Variants in FBN2 observed in about 807,000 individuals in gnomAD.
FBN2 encodes fibrillin-2.
Under a neutral mutation model 355.6 loss-of-function variants are expected in FBN2, and 105 were observed. The observed-to-expected ratio is 0.30, with a 90% CI of 0.25 to 0.35. The LOEUF is 0.35. Among genes scored for constraint, FBN2 ranks in the 10% least tolerant of loss-of-function variants. FBN2 has a pLI of 1.00. For missense variants in FBN2, 3,280 were observed against 3,758.7 expected (o/e 0.87, Z 3.33); for synonymous variants, 1,350 against 1,301.2 (o/e 1.04, Z -0.81).
rs1345155944 is a variant in FBN2, at chr5:128,464,783, G to A, written c.767C>T (p.Ala256Val). Reference sequence around the variant, plus strand: ...ACCCCGTCGGCAGGGCTGAGGCTGGGCTGGACACATCTCACAGGGATGGCC... The same window carrying A: ...ACCCCGTCGGCAGGGCTGAGGCTGGACTGGACACATCTCACAGGGATGGCC... ...AWGHPCEMCP[A>V]QPQPCRRGFI... The change falls in exon 6 of 65, where the codon GCC (alanine) becomes GTC (valine). Residue 256 changes from alanine to valine, a missense_variant. Physicochemically the swap from Ala to Val is moderately conservative, Grantham distance 64 (BLOSUM62 0). Coordinates refer to ENST00000262464, the MANE Select transcript of FBN2 (RefSeq NM_001999.4). 2 of 1,614,080 alleles carry A rather than the reference G, an allele frequency of 1.2e-6. No individual in the cohort carries two copies. Among genetic ancestry groups the A allele is most frequent in the Admixed American group, 3.3e-5 (2 of 60,010 alleles).
intron 62 of FBN2, among the ~76,000 whole-genome samples, chr5:128,268,217 A>C (rs938228230): frequency 2.0e-5 from 3 of 152,242 alleles, no homozygotes; most frequent in African/African-American, 7.2e-5. Context: ...ACAGAAATAC[A>C]AACTACCATC....
At chr5:128,400,369 A>G (rs1002601684) in intron 8 of FBN2, among the ~76,000 whole-genome samples, 22 of 152,180 alleles carry the variant, frequency 1.4e-4, no homozygotes, top group African/African-American at 5.3e-4. Context: ...ATAAGATCAA[A>G]CTATATAAAA....
chr5:128,358,245 A>G (rs1751553796), intron 19 of FBN2, among the ~76,000 whole-genome samples: 1 of 152,120 alleles, frequency 6.6e-6, no homozygotes, highest in Admixed American at 6.6e-5. Flanking sequence ...AAAAAAATCA[A>G]AGACATTTTC....
At chr5:128,278,882 A>G in intron 56 of FBN2, 41 bp from the exon 57 acceptor site, 1 of 1,495,460 alleles carries the variant, frequency 6.7e-7, no homozygotes, top group Admixed American at 1.7e-5. Flanking sequence ...TGCGGAACTG[A>G]CATTTCATTA....
chr5:128,260,252 C>T lies in FBN2; in HGVS notation c.8365-423G>A, dbSNP rs575521375. Among the ~76,000 whole-genome samples the T allele has an allele frequency of 1.4e-4, 21 of 151,846 alleles. No individual in the cohort carries two copies. In the South Asian group the frequency reaches 4.2e-3, roughly 30 times the overall value. ...TGCTGTTGGGCATCAGCAGGGAATG[C>T]GCCCAGGGGAATCTTCTGTCTGAAA... On this transcript the variant is annotated intron_variant, in intron 64 of 64. Transcript: ENST00000262464.
At chr5:128,286,685 T>A in intron 55 of FBN2, 33 bp downstream of exon 55, 1 of 1,613,196 alleles carries the variant, frequency 6.2e-7, no homozygotes, top group Non-Finnish European at 8.5e-7. Flanking sequence ...AGTGGAGGCA[T>A]TACATAAGCA....
intron 5 of FBN2, among the ~76,000 whole-genome samples, chr5:128,474,383 G>C (rs1040477733): frequency 8.5e-5 from 13 of 152,138 alleles, no homozygotes; most frequent in African/African-American, 2.7e-4. Flanking sequence ...ACATTTTATA[G>C]TATCTTAGGA....
chr5:128,276,482 C>T (rs1295845527), intron 58 of FBN2, among the ~76,000 whole-genome samples: 1 of 151,966 alleles, frequency 6.6e-6, no homozygotes, highest in African/African-American at 2.4e-5. Flanking sequence ...TGTTTTTGAC[C>T]CATGGATGTG....
At chr5:128,447,180 C>T (rs980280046) in intron 6 of FBN2, among the ~76,000 whole-genome samples, 5 of 152,116 alleles carry the variant, frequency 3.3e-5, no homozygotes, top group Admixed American at 1.3e-4. Context: ...GATATGAAAT[C>T]TAGGCACCTT....
Position 128,380,436 on chromosome 5 carries a change from TC to T in FBN2, c.1604-1547del, listed in dbSNP as rs1272472676. Among the ~76,000 whole-genome samples, 3 of 152,084 alleles carry T rather than the reference TC, an allele frequency of 2.0e-5. No homozygotes were observed. The East Asian group carries it at 5.8e-4, about 29-fold the overall frequency. Reference sequence around the variant, plus strand: ...CACTCCCCTCTCTTTAGGTAAAGTTTCAGGAAAGCCACTTCTGCAGGACTGT... The same window carrying T: ...CACTCCCCTCTCTTTAGGTAAAGTTTAGGAAAGCCACTTCTGCAGGACTGT... On this transcript the variant is annotated intron_variant, in intron 11 of 64. Transcript: ENST00000262464.
At chr5:128,526,325 TGG>T (rs905612466) in intron 4 of FBN2, among the ~76,000 whole-genome samples, 4 of 152,122 alleles carry the variant, frequency 2.6e-5, no homozygotes, top group African/African-American at 9.7e-5. Context: ...GCAGCTTCTG[TGG>T]AAAACAGTAT....
chr5:128,288,332 G>A lies in FBN2; in HGVS notation c.6757+106C>T, dbSNP rs146494311. On this transcript the variant is annotated intron_variant, in intron 53 of 64. Transcript: ENST00000262464. ...AACCCAAAAAACAAAAAACCCCACC[G>A]TATGCTCACCAGCAGAATATCAGAA... 1.3e-4 allele frequency: 176 copies of A among 1,347,084 alleles called. 2 individuals are homozygous for A. The East Asian group carries it at 2.9e-3, about 22-fold the overall frequency. 83.4% of individuals were successfully genotyped at this position (1,347,084 alleles called of 1,614,324 possible). A position where few individuals can be genotyped will look rare whatever the true frequency, so the allele number is the denominator to read the frequency against.
At chr5:128,307,394 T>G (rs1581204600) in intron 41 of FBN2, among the ~76,000 whole-genome samples, 191 bp from the exon 42 acceptor site, 1 of 152,128 alleles carries the variant, frequency 6.6e-6, no homozygotes, top group African/African-American at 2.4e-5. Context: ...ACCATTATTA[T>G]CATTGTTATT....
chr5:128,499,641 G>A (rs1490653895), intron 5 of FBN2, among the ~76,000 whole-genome samples: 2 of 152,160 alleles, frequency 1.3e-5, no homozygotes, highest in East Asian at 3.8e-4. Flanking sequence ...ATACTCTGGT[G>A]ATTCTTATGA....
At chr5:128,278,917 C>T in intron 56 of FBN2, 76 bp from the exon 57 acceptor site, 1 of 1,217,440 alleles carries the variant, frequency 8.2e-7, no homozygotes. Flanking sequence ...TTAAGCAGGG[C>T]AGTCAAGAAT....
chr5:128,347,190 A>G (rs1185292623), intron 23 of FBN2, among the ~76,000 whole-genome samples: 1 of 152,212 alleles, frequency 6.6e-6, no homozygotes, highest in Non-Finnish European at 1.5e-5. Flanking sequence ...GACAAACTAA[A>G]AATGTACCAT....
intron 30 of FBN2, 78 bp from the exon 31 acceptor site, chr5:128,334,922 AAT>A: frequency 7.7e-7 from 1 of 1,305,888 alleles, no homozygotes; most frequent in Non-Finnish European, 1.1e-6. Flanking sequence ...TGAATAGCAT[AAT>A]ACTGAAATAC....
chr5:128,289,064 T>A, intron 52 of FBN2, 63 bp downstream of exon 52: 1 of 1,579,190 alleles, frequency 6.3e-7, no homozygotes, highest in Middle Eastern at 1.7e-4. Flanking sequence ...CTGAGAGACC[T>A]TTTACTGAAT....
chr5:128,323,292 A>AT (rs1750440056), intron 34 of FBN2, among the ~76,000 whole-genome samples: 1 of 152,100 alleles, frequency 6.6e-6, no homozygotes, highest in African/African-American at 2.4e-5. Context: ...TTTCAATACT[A>AT]TGTTGAATAG....
Sources: allele counts gnomAD v4.1 joint callset (sites outside exome capture counted in the v4.1 genomes callset), GRCh38; gene constraint gnomAD v4.1.1; transcripts MANE v1.5; gene names NCBI Gene and HGNC (gene_info 2026-07-23, HGNC 2026-07-21).